The following UGDH variants were observed in gnomAD, a reference collection of about 807,000 sequenced individuals.
UGDH encodes UDP-Glc dehydrogenase.
A neutral mutation model predicts 50.6 loss-of-function variants in UGDH; 38 were observed. That is an observed-to-expected ratio of 0.75 (90% CI 0.58 to 0.98). The LOEUF (loss-of-function observed/expected upper bound fraction) is 0.98, where lower values mean the gene tolerates loss of function less well. Ranked by LOEUF, UGDH falls within the 50% of genes least tolerant of loss-of-function variation. The probability of loss-of-function intolerance (pLI) is 0.00; values close to 1 mark genes in which losing one functional copy is unlikely to be tolerated. For missense variants in UGDH, 465 were observed against 606.2 expected (o/e 0.77, Z 2.45); for synonymous variants, 168 against 199.9 (o/e 0.84, Z 1.35).
chr4:39,525,233 A>G (rs1746825556), intron 1 of UGDH, among the ~76,000 whole-genome samples: 1 of 152,156 alleles, frequency 6.6e-6, no homozygotes, highest in African/African-American at 2.4e-5. Flanking sequence ...TCTCACTGTC[A>G]CCGAGGCTGG....
intron 2 of UGDH, among the ~76,000 whole-genome samples, chr4:39,514,540 T>C (rs1746371350): frequency 1.3e-5 from 2 of 151,972 alleles, no homozygotes; most frequent in Admixed American, 1.3e-4. Flanking sequence ...TGTATCTTTT[T>C]TTGGCAGAGA....
Position 39,521,456 on chromosome 4 carries a change from T to C in UGDH, c.57A>G (p.Thr19=), listed in dbSNP as rs747137376. 4 of 1,613,026 alleles carry C rather than the reference T, an allele frequency of 2.5e-6. No individual in the cohort carries two copies. The highest frequency in any genetic ancestry group is 3.4e-6 in the Non-Finnish European group (4 of 1,179,532). ...GACACATATGAGCAATGACACTACA[T>C]GTGGGTCCTCCAACATAGCCTGCAC... ...CIGAGYVGGP[T]CSVIAHMCPE... The change falls in exon 2 of 12, where the codon ACA becomes ACG. Residue 19 remains threonine (T), a synonymous_variant. Transcript: ENST00000316423.
chr4:39,513,552 T>TG (rs1746326569), intron 3 of UGDH, among the ~76,000 whole-genome samples: 2 of 142,084 alleles, frequency 1.4e-5, no homozygotes, highest in Non-Finnish European at 3.1e-5. Context: ...TTTTTTTTTT[T>TG]TTTGAGACAG....
Position 39,500,271 on chromosome 4 carries a change from T to C in UGDH, c.1375-18A>G. 6.8e-7 allele frequency: 1 copy of C among 1,480,954 alleles called. No homozygotes were observed. The highest frequency in any genetic ancestry group is 9.3e-7 in the Non-Finnish European group (1 of 1,075,242). 91.7% of individuals were successfully genotyped at this position (1,480,954 alleles called of 1,614,324 possible). Reference sequence around the variant, plus strand: ...GTTTCAATCTGAAAAAAAAATAAAATTTAAGAGAACTATTAACAATTATAT... The same window carrying C: ...GTTTCAATCTGAAAAAAAAATAAAACTTAAGAGAACTATTAACAATTATAT... On this transcript the variant is annotated intron_variant, in intron 11 of 11. Transcript: ENST00000316423.
intron 1 of UGDH, among the ~76,000 whole-genome samples, chr4:39,523,536 G>A (rs779639149): frequency 1.2e-4 from 18 of 152,138 alleles, no homozygotes; most frequent in Admixed American, 1.1e-3. Context: ...CAGGCACGGT[G>A]GCTCATGCCT....
At chr4:39,506,964 G>A (rs1176036919) in intron 7 of UGDH, among the ~76,000 whole-genome samples, 1 of 152,062 alleles carries the variant, frequency 6.6e-6, no homozygotes, top group South Asian at 2.1e-4. Flanking sequence ...TGGAATCTAG[G>A]CTGGACAACA....
chr4:39,510,654 T>C lies in UGDH; in HGVS notation c.465+7A>G, dbSNP rs1444624325. On this transcript the variant is annotated splice_region_variant and intron_variant, in intron 4 of 11. Transcript: ENST00000316423. ...ATAACCAGATTCTAATGCTTCATTT[T>C]TTATACCTGTAAATTCAAGTTGGGT... 6.2e-6 allele frequency: 10 copies of C among 1,614,116 alleles called. No individual in the cohort carries two copies.
At chr4:39,525,280 G>A (rs1380608007) in intron 1 of UGDH, among the ~76,000 whole-genome samples, 2 of 152,106 alleles carry the variant, frequency 1.3e-5, no homozygotes, top group African/African-American at 2.4e-5. Flanking sequence ...TGCAACCTCC[G>A]TCTCCTGGGT....
At chr4:39,504,253 A>G (rs933252737) in intron 10 of UGDH, among the ~76,000 whole-genome samples, 164 bp downstream of exon 10, 1 of 152,080 alleles carries the variant, frequency 6.6e-6, no homozygotes, top group East Asian at 1.9e-4. Flanking sequence ...GCTTGCAGTG[A>G]GCCGAGATTG....
chr4:39,512,348 T>C (rs1220403053), intron 3 of UGDH, among the ~76,000 whole-genome samples: 1 of 151,952 alleles, frequency 6.6e-6, no homozygotes, highest in African/African-American at 2.4e-5. Context: ...GAAGATTGAG[T>C]TGAGGTGTGA....
intron 2 of UGDH, among the ~76,000 whole-genome samples, chr4:39,517,306 G>T (rs762601308): frequency 7.9e-5 from 12 of 151,378 alleles, no homozygotes; most frequent in African/African-American, 2.9e-4. Flanking sequence ...GGGTTCAAGC[G>T]ATTCTCCTGC....
intron 11 of UGDH, among the ~76,000 whole-genome samples, chr4:39,502,273 C>T (rs1745847488): frequency 6.6e-6 from 1 of 152,162 alleles, no homozygotes; most frequent in African/African-American, 2.4e-5. Flanking sequence ...TAGAAGAGTC[C>T]CCAAGGTCTT....
chr4:39,512,172 T>G (rs1244473910), intron 3 of UGDH, among the ~76,000 whole-genome samples: 1 of 152,172 alleles, frequency 6.6e-6, no homozygotes, highest in Non-Finnish European at 1.5e-5. Context: ...ACATGAATGT[T>G]ATAATGCTCT....
intron 11 of UGDH, among the ~76,000 whole-genome samples, chr4:39,503,089 G>T (rs1196167707): frequency 1.3e-5 from 2 of 152,092 alleles, no homozygotes; most frequent in Non-Finnish European, 2.9e-5. Flanking sequence ...GCTAATTTTT[G>T]TATTTTTAGT....
chr4:39,502,233 CATGTT>C (rs1745846099), intron 11 of UGDH, among the ~76,000 whole-genome samples: 1 of 152,098 alleles, frequency 6.6e-6, no homozygotes, highest in South Asian at 2.1e-4. Flanking sequence ...GAAAAACAGT[CATGTT>C]GTTACTCACT....
intron 2 of UGDH, among the ~76,000 whole-genome samples, chr4:39,520,253 C>A (rs552411048): frequency 6.6e-6 from 1 of 152,230 alleles, no homozygotes; most frequent in South Asian, 2.1e-4. Context: ...GCAAGAGAAT[C>A]GCTTGAACAC....
intron 6 of UGDH, 150 bp from the exon 7 acceptor site, chr4:39,508,810 G>A (rs1746124241): frequency 7.6e-6 from 5 of 658,508 alleles, no homozygotes; most frequent in Non-Finnish European, 9.6e-6. Context: ...TATAAATTAT[G>A]TAAAATTTGC....
chr4:39,516,352 G>C (rs1400118843), intron 2 of UGDH, among the ~76,000 whole-genome samples: 1 of 152,180 alleles, frequency 6.6e-6, no homozygotes, highest in Non-Finnish European at 1.5e-5. Context: ...TAAATAATCA[G>C]CATGGTGGTA....
At chr4:39,522,781 T>A (rs78246568) in intron 1 of UGDH, among the ~76,000 whole-genome samples, 5 of 145,394 alleles carry the variant, frequency 3.4e-5, no homozygotes, top group South Asian at 2.1e-4. Context: ...TTTTTTTTTT[T>A]AATGAGACAG....
Sources: gnomAD v4.1 joint callset for allele counts (sites outside exome capture counted in the v4.1 genomes callset) on GRCh38, gnomAD v4.1.1 for gene constraint, MANE v1.5 for transcripts, NCBI Gene and HGNC (gene_info 2026-07-23, HGNC 2026-07-21) for gene names.